The following ZNF362 variants were observed in gnomAD, a reference collection of about 807,000 sequenced individuals.
ZNF362 encodes the protein rotund homolog.
Under a neutral mutation model 42.9 loss-of-function variants are expected in ZNF362, and 11 were observed. That is an observed-to-expected ratio of 0.26 (90% CI 0.16 to 0.42). The LOEUF (loss-of-function observed/expected upper bound fraction) is 0.42, where lower values mean the gene tolerates loss of function less well. Ranked by LOEUF, ZNF362 falls within the 20% of genes least tolerant of loss-of-function variation. The probability of loss-of-function intolerance (pLI) is 1.00; values close to 1 mark genes in which losing one functional copy is unlikely to be tolerated. For missense variants in ZNF362, 362 were observed against 576.2 expected (o/e 0.63, Z 3.81); for synonymous variants, 255 against 257.3 (o/e 0.99, Z 0.09).
chr1:33,229,774 C>T, the ZNF362 span, among the ~76,000 whole-genome samples: 2 of 152,136 alleles, frequency 1.3e-5, no homozygotes, highest in African/African-American at 4.8e-5. Flanking sequence ...ACAGCTGGTT[C>T]AAACTCCACC....
the ZNF362 span, among the ~76,000 whole-genome samples, chr1:33,208,897 A>G: frequency 1.3e-5 from 2 of 152,210 alleles, no homozygotes; most frequent in East Asian, 1.9e-4. Context: ...CTTTTTTCCT[A>G]ATTGAATATC....
chr1:33,165,825 G>A, the ZNF362 span: 2 of 326,518 alleles, frequency 6.1e-6, no homozygotes. The surrounding 1 kb of genome is among the most constrained non-coding windows in gnomAD (Gnocchi z 4.0). Context: ...TGTGACAATC[G>A]ACTTCCACAT....
the ZNF362 span, among the ~76,000 whole-genome samples, chr1:33,133,018 C>A: frequency 6.6e-6 from 1 of 152,352 alleles, no homozygotes; most frequent in South Asian, 2.1e-4. Flanking sequence ...GAGTGCACTC[C>A]TTGGAGGAGG....
chr1:33,168,962 T>C, the ZNF362 span, among the ~76,000 whole-genome samples: 2 of 152,192 alleles, frequency 1.3e-5, no homozygotes, highest in African/African-American at 2.4e-5. Flanking sequence ...GGACATTTCC[T>C]CCCTGATTTT....
chr1:33,284,619 C>T (rs550801044), intron 6 of ZNF362, among the ~76,000 whole-genome samples: 14 of 152,160 alleles, frequency 9.2e-5, no homozygotes, highest in African/African-American at 3.1e-4. Context: ...CCCCTCCCAC[C>T]CTCACCCCCA....
At chr1:33,128,541 A>G in the ZNF362 span, among the ~76,000 whole-genome samples, 2 of 152,216 alleles carry the variant, frequency 1.3e-5, no homozygotes, top group Admixed American at 1.3e-4. Flanking sequence ...GCAGATTGGG[A>G]AAGTCTCTGC....
the ZNF362 span, among the ~76,000 whole-genome samples, chr1:33,225,504 T>C: frequency 6.6e-6 from 1 of 152,174 alleles, no homozygotes; most frequent in Non-Finnish European, 1.5e-5. Flanking sequence ...TGGTATGCCA[T>C]GATGCCAGAA....
chr1:33,154,281 T>C, the ZNF362 span, among the ~76,000 whole-genome samples: 6 of 151,554 alleles, frequency 4.0e-5, no homozygotes, highest in Non-Finnish European at 7.4e-5. Flanking sequence ...CCCTCCCCAG[T>C]CACTGACCCA....
the ZNF362 span, among the ~76,000 whole-genome samples, chr1:33,167,156 A>T: frequency 1.3e-5 from 2 of 152,092 alleles, no homozygotes; most frequent in African/African-American, 4.8e-5. The surrounding 1 kb of genome is among the most constrained non-coding windows in gnomAD (Gnocchi z 4.2). Context: ...TTTAACTCAG[A>T]TGCCACCTCC....
chr1:33,299,166 T>C lies in ZNF362; in HGVS notation c.*120T>C. Reference sequence around the variant, plus strand: ...CCAAGCTCTCTCACGACCTTCCCAATCTTCCAGAAAGCTTGGTCCGCAGAA... The same window carrying C: ...CCAAGCTCTCTCACGACCTTCCCAACCTTCCAGAAAGCTTGGTCCGCAGAA... On this transcript the variant is annotated 3_prime_UTR_variant, in exon 9 of 9. Transcript: ENST00000539719. 1.3e-6 allele frequency: 1 copy of C among 756,066 alleles called. No homozygotes were observed. The highest frequency in any genetic ancestry group is 2.2e-6 in the Non-Finnish European group (1 of 457,390). The allele number at this position is 756,066 out of a possible 1,614,324, so 46.8% of individuals were successfully genotyped here.
At chr1:33,167,739 C>G in the ZNF362 span, among the ~76,000 whole-genome samples, 1 of 152,198 alleles carries the variant, frequency 6.6e-6, no homozygotes, top group Non-Finnish European at 1.5e-5. This position sits in a 1 kb window ranked among gnomAD's most constrained non-coding sequence, Gnocchi z 4.2. Flanking sequence ...GCTTGTCAGA[C>G]CAGGGAGGGC....
chr1:33,296,477 G>A (rs1403183127), intron 8 of ZNF362, among the ~76,000 whole-genome samples: 1 of 152,116 alleles, frequency 6.6e-6, no homozygotes, highest in African/African-American at 2.4e-5. Context: ...TTTGTCCCTG[G>A]GGGGCAAAAT....
the ZNF362 span, among the ~76,000 whole-genome samples, chr1:33,185,335 C>A: frequency 6.6e-6 from 1 of 151,964 alleles, no homozygotes; most frequent in Non-Finnish European, 1.5e-5. Flanking sequence ...AATTCTTGTG[C>A]TTCAGCCTCC....
the ZNF362 span, among the ~76,000 whole-genome samples, chr1:33,201,422 C>T: frequency 6.6e-6 from 1 of 152,182 alleles, no homozygotes; most frequent in East Asian, 1.9e-4. Context: ...TTTAAATGAA[C>T]TCAAGTCATA....
chr1:33,138,640 AAAAAAG>A, the ZNF362 span, among the ~76,000 whole-genome samples: 2 of 149,420 alleles, frequency 1.3e-5, no homozygotes, highest in Admixed American at 6.7e-5. Flanking sequence ...AAAAAAAAAA[AAAAAAG>A]AAAAGGAAAG....
chr1:33,240,941 A>G, the ZNF362 span, among the ~76,000 whole-genome samples: 5 of 152,200 alleles, frequency 3.3e-5, no homozygotes, highest in Non-Finnish European at 5.9e-5. Context: ...CAGTGGAAAG[A>G]CTTTCCCACG....
chr1:33,159,247 G>C, the ZNF362 span, among the ~76,000 whole-genome samples: 15 of 152,040 alleles, frequency 9.9e-5, no homozygotes, highest in East Asian at 2.5e-3. The surrounding 1 kb of genome is among the most constrained non-coding windows in gnomAD (Gnocchi z 4.2). Flanking sequence ...ATAGTAACAC[G>C]TAATGCCAAC....
chr1:33,228,423 A>G, the ZNF362 span, among the ~76,000 whole-genome samples: 1 of 151,916 alleles, frequency 6.6e-6, no homozygotes, highest in South Asian at 2.1e-4. Context: ...CAGTCCATCC[A>G]CTTGTCTAGC....
the ZNF362 span, among the ~76,000 whole-genome samples, chr1:33,192,486 T>C: frequency 6.6e-6 from 1 of 152,168 alleles, no homozygotes; most frequent in Non-Finnish European, 1.5e-5. Context: ...TTAAATTAGC[T>C]TATTTGGAAA....
Sources: gnomAD v4.1 joint callset for allele counts (sites outside exome capture counted in the v4.1 genomes callset) on GRCh38, gnomAD v4.1.1 for gene constraint, Gnocchi (gnomAD v3.1) non-coding constraint, MANE v1.5 for transcripts, NCBI Gene and HGNC (gene_info 2026-07-23, HGNC 2026-07-21) for gene names.